Variants in FANCB observed in about 807,000 individuals in gnomAD.
The protein encoded by FANCB is Fanconi anemia group B protein.
FANCB carries 5 observed loss-of-function variants against 38.9 expected under a neutral mutation model. The observed-to-expected ratio is 0.13, with a 90% confidence interval of 0.07 to 0.27. FANCB has a LOEUF of 0.27. Among genes scored for constraint, FANCB ranks in the 10% least tolerant of loss-of-function variants. The probability of loss-of-function intolerance (pLI) is 1.00; values close to 1 mark genes in which losing one functional copy is unlikely to be tolerated. For missense variants in FANCB, 573 were observed against 602.7 expected, an observed-to-expected ratio of 0.95 and a Z score of 0.52; for synonymous variants, 236 against 215.4, an observed-to-expected ratio of 1.10 and a Z score of -0.84.
chrX:14,811,905 T>G, the FANCB span, among the ~76,000 whole-genome samples: 8 of 111,597 alleles, frequency 7.2e-5, no homozygotes, highest in East Asian at 1.4e-3. Flanking sequence ...ATTGACCACA[T>G]AGTTGGAAGT....
chrX:14,749,895 G>C, the FANCB span, among the ~76,000 whole-genome samples: 26 of 112,121 alleles, frequency 2.3e-4, no homozygotes, highest in Non-Finnish European at 3.8e-4. Flanking sequence ...AGTGTTAAAG[G>C]GCTGTACAAA....
the FANCB span, among the ~76,000 whole-genome samples, chrX:14,830,182 GGT>G: frequency 1.8e-5 from 2 of 111,613 alleles, no homozygotes; most frequent in Non-Finnish European, 3.8e-5. Context: ...ATCTTATATG[GGT>G]GTGGTTTGTG....
At chrX:14,732,675 A>G in the FANCB span, among the ~76,000 whole-genome samples, 46 of 112,310 alleles carry the variant, frequency 4.1e-4, no homozygotes, top group Middle Eastern at 9.2e-3. Flanking sequence ...CCACATAAAT[A>G]TCTTCTTTTG....
the FANCB span, among the ~76,000 whole-genome samples, chrX:14,820,374 G>C: frequency 8.9e-6 from 1 of 111,786 alleles, no homozygotes; most frequent in Non-Finnish European, 1.9e-5. Flanking sequence ...GATACCCCAA[G>C]ACTGGGTTAG....
the FANCB span, among the ~76,000 whole-genome samples, chrX:14,778,631 T>C: frequency 3.6e-5 from 4 of 112,424 alleles, no homozygotes; most frequent in Non-Finnish European, 7.5e-5. Context: ...GTGTGCCAGC[T>C]TCCCAGGTAA....
At chrX:14,695,148 G>T in the FANCB span, among the ~76,000 whole-genome samples, 2 of 99,232 alleles carry the variant, frequency 2.0e-5, no homozygotes, top group Admixed American at 1.1e-4. Flanking sequence ...TACACATTGA[G>T]ATAACAGAAA....
chrX:14,859,434 A>G, intron 3 of FANCB, 100 bp from the exon 4 acceptor site: 1 of 586,270 alleles, frequency 1.7e-6, no homozygotes, highest in Non-Finnish European at 2.8e-6. Context: ...TCATTTGTAA[A>G]ACTCAATCTT....
At chrX:14,712,050 A>G in the FANCB span, among the ~76,000 whole-genome samples, 1 of 112,981 alleles carries the variant, frequency 8.9e-6, no homozygotes, top group Non-Finnish European at 1.9e-5. Context: ...ATTATAGAAA[A>G]AAATGCCATC....
chrX:14,767,530 T>C, the FANCB span, among the ~76,000 whole-genome samples: 1 of 110,026 alleles, frequency 9.1e-6, no homozygotes, highest in East Asian at 2.8e-4. Flanking sequence ...CCACTTTTCA[T>C]TGTTTTTTTT....
At chrX:14,750,520 C>T in the FANCB span, among the ~76,000 whole-genome samples, 1 of 111,435 alleles carries the variant, frequency 9.0e-6, no homozygotes, top group East Asian at 2.8e-4. Context: ...TACATCACTT[C>T]CACTCATATT....
chrX:14,832,441 G>T (rs2092329656), downstream of FANCB, among the ~76,000 whole-genome samples: 2 of 111,314 alleles, frequency 1.8e-5, no homozygotes, highest in South Asian at 7.5e-4. Context: ...TCTAAACAAG[G>T]CCACATTCTG....
At chrX:14,813,855 C>A in the FANCB span, among the ~76,000 whole-genome samples, 1 of 111,536 alleles carries the variant, frequency 9.0e-6, no homozygotes, top group Non-Finnish European at 1.9e-5. Context: ...CAAAAAAGAG[C>A]CTGCATTGCC....
chrX:14,765,022 T>G, the FANCB span, among the ~76,000 whole-genome samples: 2 of 112,208 alleles, frequency 1.8e-5, no homozygotes, highest in African/African-American at 6.5e-5. Context: ...TGAGTAATCG[T>G]TTAGCATAAG....
At chrX:14,716,161 A>G in the FANCB span, among the ~76,000 whole-genome samples, 1 of 111,317 alleles carries the variant, frequency 9.0e-6, no homozygotes, top group Non-Finnish European at 1.9e-5. Flanking sequence ...GTTGGGAAGA[A>G]AAATCTTAAA....
At chrX:14,712,840 C>T in the FANCB span, among the ~76,000 whole-genome samples, 3 of 111,564 alleles carry the variant, frequency 2.7e-5, no homozygotes, top group Admixed American at 2.9e-4. Context: ...GGTCTAGCCA[C>T]CGTGTCTAAC....
At chrX:14,811,882 T>C in the FANCB span, among the ~76,000 whole-genome samples, 1,813 of 111,451 alleles carry the variant, frequency 0.016, 39 homozygotes, top group African/African-American at 0.049. Context: ...CACCACACCT[T>C]ACCTATTCCA....
At chrX:14,852,414 G>C (rs1237205550) in intron 6 of FANCB, among the ~76,000 whole-genome samples, 1 of 110,384 alleles carries the variant, frequency 9.1e-6, no homozygotes, top group Admixed American at 9.7e-5. Context: ...TGATCCGCCC[G>C]TCTCGGCCTC....
At chrX:14,754,025 C>T in the FANCB span, among the ~76,000 whole-genome samples, 1 of 112,367 alleles carries the variant, frequency 8.9e-6, no homozygotes, top group Admixed American at 9.4e-5. Context: ...CCCCCTCCCC[C>T]TCCATGACCC....
At chrX:14,842,168 T>C (rs1369339992), downstream of FANCB, among the ~76,000 whole-genome samples, 2 of 112,043 alleles carry the variant, frequency 1.8e-5, no homozygotes, top group Non-Finnish European at 1.9e-5. Context: ...ATGCAGAAAG[T>C]CTGAAATATT....
Sources: allele counts gnomAD v4.1 joint callset (sites outside exome capture counted in the v4.1 genomes callset), GRCh38; gene constraint gnomAD v4.1.1; transcripts MANE v1.5; gene names NCBI Gene and HGNC (gene_info 2026-07-23, HGNC 2026-07-21).